Variants in PARD3 observed in about 807,000 individuals in gnomAD.
The protein encoded by PARD3 is par-3 family cell polarity regulator, also known as partitioning defective 3 homolog.
A neutral mutation model predicts 155.4 loss-of-function variants in PARD3; 75 were observed. That is an observed-to-expected ratio of 0.48 (90% CI 0.40 to 0.58). The LOEUF (loss-of-function observed/expected upper bound fraction) is 0.58, where lower values mean the gene tolerates loss of function less well. Among genes scored for constraint, PARD3 ranks in the 20% least tolerant of loss-of-function variants. PARD3 has a pLI of 0.00. For synonymous variants in PARD3, 576 were observed against 610.5 expected (o/e 0.94, Z 0.83); for missense variants, 1,642 against 1,721.7 (o/e 0.95, Z 0.82).
rs988176463 is a variant in PARD3 at position 34,118,583 on chromosome 10, T to C, written c.3668+1030A>G. On this transcript the variant is annotated intron_variant, in intron 24 of 24. Transcript: ENST00000374788. ...CTGGTCTCGAACTCCTGGGCTCAAATGATCTGCCTGCCTCAGCCTCCCAAA... is the reference window on the plus strand; with the variant it reads ...CTGGTCTCGAACTCCTGGGCTCAAACGATCTGCCTGCCTCAGCCTCCCAAA... Among the ~76,000 whole-genome samples, 55 of 152,264 alleles carry C rather than the reference T, an allele frequency of 3.6e-4. 1 individual carries two copies. The highest frequency in any genetic ancestry group is 2.6e-4 in the Admixed American group (4 of 15,292).
chr10:34,254,572 G>GTT (rs1954554065), intron 22 of PARD3, among the ~76,000 whole-genome samples: 2 of 113,318 alleles, frequency 1.8e-5, no homozygotes, highest in Non-Finnish European at 3.8e-5. Context: ...GTGTGTGTGT[G>GTT]TGTGTGTATA....
intron 3 of PARD3, among the ~76,000 whole-genome samples, chr10:34,503,010 T>C (rs879556999): frequency 7.2e-5 from 11 of 152,220 alleles, no homozygotes; most frequent in Middle Eastern, 6.8e-3. Context: ...TATGCCTCAG[T>C]GTCCTTGTTT....
chr10:34,777,743 G>T (rs764836492), intron 1 of PARD3, among the ~76,000 whole-genome samples: 31 of 151,636 alleles, frequency 2.0e-4, no homozygotes, highest in Non-Finnish European at 3.8e-4. Context: ...TGTTTCCCAG[G>T]CTGGTCTTGA....
chr10:34,621,194 TG>T (rs1335346522), intron 2 of PARD3, among the ~76,000 whole-genome samples: 2 of 152,252 alleles, frequency 1.3e-5, no homozygotes, highest in East Asian at 1.9e-4. Context: ...TTTTTGTTTT[TG>T]TTTTTTTGGG....
chr10:34,243,162 A>G (rs1020235083), intron 22 of PARD3, among the ~76,000 whole-genome samples: 4 of 152,214 alleles, frequency 2.6e-5, no homozygotes, highest in Admixed American at 2.0e-4. Flanking sequence ...TTTTACCACT[A>G]TAACAGATCA....
intron 22 of PARD3, among the ~76,000 whole-genome samples, chr10:34,199,686 A>G (rs143229124): frequency 3.3e-4 from 51 of 152,322 alleles, no homozygotes; most frequent in Non-Finnish European, 5.7e-4. Context: ...TTTACTTCCT[A>G]CTAGTTGTGG....
intron 2 of PARD3, among the ~76,000 whole-genome samples, chr10:34,596,286 T>C (rs1590160104): frequency 6.6e-6 from 1 of 152,238 alleles, no homozygotes; most frequent in East Asian, 1.9e-4. Flanking sequence ...TACCTGCATA[T>C]GGAATTTCCT....
At chr10:34,267,052 T>C (rs1480772851) in intron 22 of PARD3, among the ~76,000 whole-genome samples, 2 of 152,162 alleles carry the variant, frequency 1.3e-5, no homozygotes, top group Non-Finnish European at 2.9e-5. Context: ...TTTTCAGGTT[T>C]TCAAAGTGGA....
At chr10:34,723,077 C>T (rs1436182602) in intron 1 of PARD3, among the ~76,000 whole-genome samples, 2 of 152,112 alleles carry the variant, frequency 1.3e-5, no homozygotes, top group Non-Finnish European at 2.9e-5. Flanking sequence ...GGCACGGTGG[C>T]TTACACCTAT....
intron 12 of PARD3, among the ~76,000 whole-genome samples, chr10:34,366,483 T>A (rs1176506723): frequency 6.6e-6 from 1 of 152,062 alleles, no homozygotes; most frequent in African/African-American, 2.4e-5. Context: ...CACCTGGATA[T>A]GATGGGCAGG....
intron 22 of PARD3, among the ~76,000 whole-genome samples, chr10:34,160,141 G>C (rs555426902): frequency 4.6e-5 from 7 of 152,272 alleles, no homozygotes; most frequent in African/African-American, 1.7e-4. Context: ...TAACTCAACA[G>C]AATAATCAAT....
intron 2 of PARD3, among the ~76,000 whole-genome samples, chr10:34,647,198 C>T (rs957779664): frequency 2.0e-5 from 3 of 152,174 alleles, no homozygotes; most frequent in Non-Finnish European, 4.4e-5. Flanking sequence ...CTGTGAATAA[C>T]CTCACAATGT....
At chr10:34,349,537 C>G (rs10827350) in intron 14 of PARD3, among the ~76,000 whole-genome samples, 1 of 80,372 alleles carries the variant, frequency 1.2e-5, no homozygotes, top group African/African-American at 4.8e-5. Context: ...AGAACAGTTT[C>G]TAAAAGAATG....
chr10:34,220,630 T>C (rs12244740), intron 22 of PARD3, among the ~76,000 whole-genome samples: 14,130 of 152,148 alleles, frequency 0.093, 2,233 homozygotes, highest in African/African-American at 0.32. Flanking sequence ...AATGCCTAAT[T>C]CTGCCTTACC....
At chr10:34,364,632 ATATGT>A (rs1839792481) in intron 12 of PARD3, among the ~76,000 whole-genome samples, 1 of 152,016 alleles carries the variant, frequency 6.6e-6, no homozygotes, top group Admixed American at 6.6e-5. Flanking sequence ...CAGGGTCTTG[ATATGT>A]TGCCCATGCT....
Position 34,348,133 on chromosome 10 carries a change from T to C in PARD3, c.2068-18A>G, listed in dbSNP as rs1283237902. On this transcript the variant is annotated intron_variant, in intron 14 of 24. Transcript: ENST00000374788. ...GACTTCAGCTACAGAGTAACGGGTA[T>C]GGGGGCAAAGAAAAATCAGTACCTG... 9 of 1,581,298 alleles carry C rather than the reference T, an allele frequency of 5.7e-6. No individual in the cohort carries two copies. Among genetic ancestry groups the C allele is most frequent in the Admixed American group, 1.8e-5 (1 of 55,278 alleles).
At chr10:34,811,611 G>A (rs1162913012) in intron 1 of PARD3, among the ~76,000 whole-genome samples, 1 of 152,298 alleles carries the variant, frequency 6.6e-6, no homozygotes, top group East Asian at 1.9e-4. Context: ...CTGTATCACA[G>A]TGGTGCCAAT....
intron 2 of PARD3, among the ~76,000 whole-genome samples, chr10:34,533,960 C>T (rs1376383995): frequency 6.6e-6 from 1 of 152,140 alleles, no homozygotes; most frequent in African/African-American, 2.4e-5. Context: ...CTCTAGAAAG[C>T]ATTCAGTACG....
chr10:34,780,518 T>C (rs1840115580), intron 1 of PARD3, among the ~76,000 whole-genome samples: 2 of 152,198 alleles, frequency 1.3e-5, no homozygotes, highest in South Asian at 4.1e-4. Context: ...AGCGTGACAT[T>C]CAGGAATTAT....
Sources: gnomAD v4.1 joint callset for allele counts (sites outside exome capture counted in the v4.1 genomes callset) on GRCh38, gnomAD v4.1.1 for gene constraint, MANE v1.5 for transcripts, NCBI Gene and HGNC (gene_info 2026-07-23, HGNC 2026-07-21) for gene names.